Variants in MAST4 observed in about 807,000 individuals in gnomAD.
The protein encoded by MAST4 is microtubule associated serine/threonine kinase family member 4.
Under a neutral mutation model 162.7 loss-of-function variants are expected in MAST4, and 89 were observed. That is an observed-to-expected ratio of 0.55 (90% CI 0.46 to 0.65). The LOEUF (loss-of-function observed/expected upper bound fraction) is 0.65. Ranked by LOEUF, MAST4 falls within the 30% of genes least tolerant of loss-of-function variation. The pLI is 0.00. For missense variants in MAST4, 3,153 were observed against 3,374.0 expected (o/e 0.93, Z 1.62); for synonymous variants, 1,479 against 1,361.1 (o/e 1.09, Z -1.91).
At chr5:67,020,908 T>C (rs1490762956) in intron 4 of MAST4, among the ~76,000 whole-genome samples, 1 of 152,178 alleles carries the variant, frequency 6.6e-6, no homozygotes, top group Non-Finnish European at 1.5e-5. Context: ...CTGATTCCCA[T>C]GGGATGGTCT....
chr5:67,152,965 C>G (rs765552865), intron 25 of MAST4, 99 bp downstream of exon 25: 86 of 987,356 alleles, frequency 8.7e-5, no homozygotes, highest in Non-Finnish European at 1.2e-4. Flanking sequence ...TACTTTTAAG[C>G]TTGCATTTGC....
chr5:66,872,691 A>G (rs1165614630), intron 3 of MAST4, among the ~76,000 whole-genome samples: 1 of 152,168 alleles, frequency 6.6e-6, no homozygotes, highest in African/African-American at 2.4e-5. Flanking sequence ...AATAAGTCAT[A>G]TGGTTTCATC....
At chr5:66,625,440 A>G (rs1255982753) in intron 1 of MAST4, among the ~76,000 whole-genome samples, 2 of 152,232 alleles carry the variant, frequency 1.3e-5, no homozygotes, top group Non-Finnish European at 2.9e-5. Flanking sequence ...CAAACTGTGT[A>G]TCTAATAAGG....
In MAST4 at chr5:67,168,912, A is replaced by G. The variant is rs1561224601; in HGVS notation, c.*1861A>G. On this transcript the variant is annotated 3_prime_UTR_variant, in exon 29 of 29. Transcript: ENST00000403625. ...AAAAAGGAAAAAAACAAACAAAAAA[A>G]GAAAAAGAAAAAAGCCTCCTCCTTG... is the stretch of plus-strand genomic sequence containing the variant. 6.6e-6 allele frequency: 1 copy of G among 152,222 alleles called. No homozygotes were observed. The highest frequency in any genetic ancestry group is 1.5e-5 in the Non-Finnish European group (1 of 68,040). The allele number at this position is 152,222 out of a possible 1,614,324, so 9.4% of individuals were successfully genotyped here.
At chr5:67,078,736 C>CTAAATATATATTTATTTATATTTATA (rs1762019753) in intron 5 of MAST4, among the ~76,000 whole-genome samples, 1 of 115,032 alleles carries the variant, frequency 8.7e-6, no homozygotes, top group African/African-American at 3.3e-5. Flanking sequence ...TTATATTTAT[C>CTAAATATATATTTATTTATATTTATA]TAAATATATA....
intron 4 of MAST4, among the ~76,000 whole-genome samples, chr5:66,998,152 G>C (rs1185479033): frequency 6.6e-6 from 1 of 152,168 alleles, no homozygotes; most frequent in Non-Finnish European, 1.5e-5. Flanking sequence ...TGTCAGCTAC[G>C]AAAGGGCTAA....
intron 4 of MAST4, among the ~76,000 whole-genome samples, chr5:66,984,769 G>A (rs534977460): frequency 4.6e-5 from 7 of 152,028 alleles, no homozygotes; most frequent in Non-Finnish European, 7.4e-5. Flanking sequence ...GGGGCGGGGC[G>A]GGGGGCATTG....
chr5:66,662,163 T>C (rs1254929120), intron 1 of MAST4, among the ~76,000 whole-genome samples: 1 of 152,124 alleles, frequency 6.6e-6, no homozygotes, highest in Non-Finnish European at 1.5e-5. Flanking sequence ...TCTGCCTTCA[T>C]AGAGCTTGAA....
At chr5:66,809,000 G>C (rs1469264550) in intron 3 of MAST4, among the ~76,000 whole-genome samples, 1 of 152,140 alleles carries the variant, frequency 6.6e-6, no homozygotes, top group African/African-American at 2.4e-5. Flanking sequence ...CTTTTCTGAG[G>C]GTACTTAAAA....
chr5:67,124,555 C>T (rs1440393849), intron 14 of MAST4, among the ~76,000 whole-genome samples: 1 of 152,018 alleles, frequency 6.6e-6, no homozygotes, highest in Admixed American at 6.6e-5. Context: ...CAAAGCAATA[C>T]AGAAATGTAA....
intron 1 of MAST4, among the ~76,000 whole-genome samples, chr5:66,723,229 C>T (rs1298763774): frequency 6.6e-6 from 1 of 152,108 alleles, no homozygotes. Context: ...CTTGGAAGCC[C>T]TTGTCCAGAA....
chr5:66,996,180 G>A (rs548060224), intron 4 of MAST4, among the ~76,000 whole-genome samples: 21 of 152,254 alleles, frequency 1.4e-4, no homozygotes, highest in African/African-American at 5.1e-4. Flanking sequence ...TCGGGAGGCT[G>A]AGGCAGGAGA....
chr5:66,748,058 T>C (rs1752875933), intron 1 of MAST4, among the ~76,000 whole-genome samples: 1 of 152,130 alleles, frequency 6.6e-6, no homozygotes, highest in Admixed American at 6.5e-5. Context: ...CCAGGGGATT[T>C]CTAGGGACTG....
Position 67,133,594 on chromosome 5 carries a change from A to G in MAST4, c.2174A>G (p.Asn725Ser), listed in dbSNP as rs767490120. 7 of 1,613,396 alleles carry G rather than the reference A, an allele frequency of 4.3e-6. No individual in the cohort carries two copies. The highest frequency in any genetic ancestry group is 2.2e-5 in the East Asian group (1 of 44,870). ...SKVGLMSMTTNLYEGHIEKDA... is the reference protein window; with the variant it reads ...SKVGLMSMTTSLYEGHIEKDA... ...GTGGGACTAATGAGCATGACTACCA[A>G]CCTTTACGAGGGTCATATTGAGAAG... is the stretch of plus-strand genomic sequence containing the variant. Residue 725 changes from asparagine (N) to serine (S), a missense_variant, in exon 17 of 29, where the codon AAC becomes AGC. By Grantham distance (46) the Asn-to-Ser change is conservative. This residue lies in a region of MAST4 where 131 missense variants were observed against 253.8 expected (regional missense o/e 0.52). Transcript: ENST00000403625.
At chr5:66,827,206 G>C (rs779301418) in intron 3 of MAST4, among the ~76,000 whole-genome samples, 2 of 152,126 alleles carry the variant, frequency 1.3e-5, no homozygotes, top group Non-Finnish European at 2.9e-5. Flanking sequence ...GCTAGAATTC[G>C]TTGATACACT....
intron 1 of MAST4, among the ~76,000 whole-genome samples, chr5:66,642,198 A>G (rs954289467): frequency 2.0e-5 from 3 of 152,214 alleles, no homozygotes; most frequent in African/African-American, 7.2e-5. Context: ...CTAACTGCCA[A>G]TTTATAAGAA....
At chr5:67,102,791 G>A (rs1332264898) in intron 9 of MAST4, among the ~76,000 whole-genome samples, 180 bp downstream of exon 9, 1 of 152,198 alleles carries the variant, frequency 6.6e-6, no homozygotes, top group Non-Finnish European at 1.5e-5. Flanking sequence ...GCTAACAACT[G>A]CTGAGAACTA....
chr5:66,963,869 G>A, intron 4 of MAST4: 1 of 773,852 alleles, frequency 1.3e-6, no homozygotes, highest in African/African-American at 1.7e-5. Flanking sequence ...GATTACTTCA[G>A]ACTCTGCAAT....
chr5:66,693,641 C>T (rs13180519), intron 1 of MAST4, among the ~76,000 whole-genome samples: 71,267 of 151,620 alleles, frequency 0.47, 17,820 homozygotes, highest in African/African-American at 0.6. Context: ...TGCTAGATGC[C>T]ATCAAATCTC....
Sources: allele counts gnomAD v4.1 joint callset (sites outside exome capture counted in the v4.1 genomes callset), GRCh38; gene constraint gnomAD v4.1.1; regional missense constraint gnomAD v4.1.1; transcripts MANE v1.5; gene names NCBI Gene and HGNC (gene_info 2026-07-23, HGNC 2026-07-21).